Variants in FBXL8 observed in about 807,000 individuals in gnomAD.
FBXL8 encodes the protein F-box/LRR-repeat protein 8.
FBXL8 carries 13 observed loss-of-function variants against 8.2 expected under a neutral mutation model. The ratio of observed to expected loss-of-function variants is 1.58; its 90% CI spans 1.03 to 2.51. The LOEUF (loss-of-function observed/expected upper bound fraction) is 2.51, where lower values mean the gene tolerates loss of function less well. Among genes scored for constraint, FBXL8 ranks in the 30% most tolerant of loss-of-function variants. The pLI is 0.00. For synonymous variants in FBXL8, 271 were observed against 260.5 expected, an observed-to-expected ratio of 1.04 and a Z score of -0.39; for missense variants, 565 against 540.4, an observed-to-expected ratio of 1.05 and a Z score of -0.45.
At position 67,163,219 on chromosome 16, in the gene FBXL8, T is replaced by C. The variant is rs1157320577; in HGVS notation, c.524T>C (p.Val175Ala). ...HSLFLDNSTL[V>A]GSVGPGSVLE... ...CTTTTTCTGGACAACAGTACCCTAGTGGGCAGCGTGGGTCCCGGCTCAGTG... is the reference window on the plus strand; with the variant it reads ...CTTTTTCTGGACAACAGTACCCTAGCGGGCAGCGTGGGTCCCGGCTCAGTG... The change falls in exon 3 of 3, where the codon GTG becomes GCG. Residue 175 changes from valine (V) to alanine (A), a missense_variant. Val to Ala is a moderately conservative substitution (Grantham distance 64, BLOSUM62 0). Transcript: ENST00000258200. 5.1e-6 allele frequency: 8 copies of C among 1,566,138 alleles called. No individual in the cohort carries two copies. The highest frequency in any genetic ancestry group is 1.2e-5 in the South Asian group (1 of 85,830).
rs1160959091 is a variant in FBXL8, at chr16:67,163,155, G to GT, written c.461dup (p.Leu155AlafsTer111). On this transcript the variant is annotated frameshift_variant, in exon 3 of 3. Coordinates refer to ENST00000258200, the MANE Select transcript of FBXL8 (RefSeq NM_018378.3). LOFTEE classifies it low-confidence loss of function (END_TRUNC). ...GTCCTTCACACTGGACGACGCGCTG[G>GT]TGCTGCAGGCGGCGCGCAGCTGTCC... The GT allele has an allele frequency of 6.4e-7, 1 of 1,567,182 alleles. No individual in the cohort carries two copies. Among genetic ancestry groups the GT allele is most frequent in the Admixed American group, 1.8e-5 (1 of 54,292 alleles).
Position 67,163,918 on chromosome 16 carries a change from G to C in FBXL8, c.*98G>C. ...GCCCCGAGTGCTAGTGCCTTCTTTT[G>C]GGATTGTTGCCCCCCGGGTCTTTAC... On this transcript the variant is annotated 3_prime_UTR_variant, in exon 3 of 3. Transcript: ENST00000258200. The C allele has an allele frequency of 6.7e-7, 1 of 1,502,032 alleles. No homozygotes were observed. Among genetic ancestry groups the C allele is most frequent in the Non-Finnish European group, 8.9e-7 (1 of 1,121,044 alleles). 93.0% of individuals were successfully genotyped at this position (1,502,032 alleles called of 1,614,324 possible).
Position 67,163,689 on chromosome 16 carries a change from G to A in FBXL8, c.994G>A (p.Glu332Lys), listed in dbSNP as rs2031030748. 3.8e-6 allele frequency: 6 copies of A among 1,588,692 alleles called. No individual in the cohort carries two copies. The highest frequency in any genetic ancestry group is 2.7e-5 in the African/African-American group (2 of 74,086). The stretch of plus-strand genomic sequence containing the variant: ...GGCGGCGCGCTGCGCGGCCCTGCGC[G>A]AGGTGCATTGTTTCTGCGTGGTGAG... Reference protein sequence around the residue: ...ELAARCAALREVHCFCVVSHS... With the variant: ...ELAARCAALRKVHCFCVVSHS... The change falls in exon 3 of 3, where the codon GAG becomes AAG. Residue 332 changes from glutamate (E) to lysine (K), a missense_variant. By Grantham distance (56) the Glu-to-Lys change is moderately conservative. Transcript: ENST00000258200.
chr16:67,163,873 CG>C lies in FBXL8; in HGVS notation c.*61del. 1.6e-6 allele frequency: 2 copies of C among 1,257,516 alleles called. No individual in the cohort carries two copies. Among genetic ancestry groups the C allele is most frequent in the South Asian group, 1.6e-5 (1 of 62,800 alleles). 77.9% of individuals were successfully genotyped at this position (1,257,516 alleles called of 1,614,324 possible). ...TGGACGTAAGCGCTCTGAGAGGGAA[CG>C]GGGGGGGTGTCCAGGCGCGCCCCGA... On this transcript the variant is annotated 3_prime_UTR_variant, in exon 3 of 3. Transcript: ENST00000258200.
intron 2 of FBXL8, 160 bp from the exon 3 acceptor site, chr16:67,162,688 G>A (rs774120650): frequency 1.0e-6 from 1 of 965,750 alleles, no homozygotes; most frequent in South Asian, 1.4e-5. Flanking sequence ...TAGGATGCGA[G>A]TTCCCTCCTT....
rs775432539 is a variant in FBXL8 at position 67,163,360 on chromosome 16, T to C, written c.665T>C (p.Leu222Ser). The change falls in exon 3 of 3, where the codon TTG becomes TCG. Residue 222 changes from leucine (L) to serine (S), a missense_variant. Physicochemically the swap from Leu to Ser is moderately radical, Grantham distance 145 (BLOSUM62 -2). Coordinates refer to ENST00000258200, the MANE Select transcript of FBXL8 (RefSeq NM_018378.3). The part of the protein sequence containing the change: ...AAPDRAPFAL[L>S]ALRCACPEDA... ...CCAGACCGAGCGCCTTTCGCGCTCT[T>C]GGCTCTGCGGTGCGCGTGCCCCGAA... 1.3e-4 allele frequency: 195 copies of C among 1,549,796 alleles called. No individual in the cohort carries two copies. The highest frequency in any genetic ancestry group is 1.6e-4 in the Non-Finnish European group (186 of 1,152,636).
In FBXL8 at chr16:67,163,853, G is replaced by T. The variant is rs755783940; in HGVS notation, c.*33G>T. 1 of 1,512,470 alleles carries T rather than the reference G, an allele frequency of 6.6e-7. No individual in the cohort carries two copies. The allele number at this position is 1,512,470 out of a possible 1,614,324, so 93.7% of individuals were successfully genotyped here. ...ACTTCTCTCCCCCGTCCCCGTGGAC[G>T]TAAGCGCTCTGAGAGGGAACGGGGG... On this transcript the variant is annotated 3_prime_UTR_variant, in exon 3 of 3. Coordinates refer to ENST00000258200, the MANE Select transcript of FBXL8 (RefSeq NM_018378.3).
At position 67,161,831 on chromosome 16, in the gene FBXL8, A is replaced by C; in HGVS notation, c.46A>C (p.Ile16Leu). The change falls in exon 2 of 3, where the codon ATC becomes CTC. Residue 16 changes from isoleucine to leucine, a missense_variant. Ile to Leu is a conservative substitution (Grantham distance 5). Transcript: ENST00000258200. ...ACTGCCAGAGGAGGTGCTGGCACTC[A>C]TCTTCCGCCACCTGTCCCTGAGAGA... Reference protein sequence around the residue: ...EGLPEEVLALIFRHLSLRDRA... With the variant: ...EGLPEEVLALLFRHLSLRDRA... The C allele has an allele frequency of 1.2e-6, 2 of 1,610,586 alleles. No homozygotes were observed. The highest frequency in any genetic ancestry group is 1.7e-6 in the Non-Finnish European group (2 of 1,178,724).
Position 67,163,115 on chromosome 16 carries a change from C to T in FBXL8, c.420C>T (p.Leu140=), listed in dbSNP as rs1219185006. The T allele has an allele frequency of 2.5e-6, 4 of 1,577,784 alleles. No homozygotes were observed. Among genetic ancestry groups the T allele is most frequent in the Middle Eastern group, 1.7e-4 (1 of 6,038 alleles). The change falls in exon 3 of 3, where the codon CTC becomes CTT. Residue 140 remains leucine (L), a synonymous_variant. Coordinates refer to ENST00000258200, the MANE Select transcript of FBXL8 (RefSeq NM_018378.3). ...VCGAASQLRH[L]DLRRLSFTLD... ...GGGCGGCCAGCCAGCTACGCCACCT[C>T]GACCTGCGGCGCTTGTCCTTCACAC...
rs756655584 is a variant in FBXL8, at chr16:67,163,846, C to G, written c.*26C>G. On this transcript the variant is annotated 3_prime_UTR_variant, in exon 3 of 3. Coordinates refer to ENST00000258200, the MANE Select transcript of FBXL8 (RefSeq NM_018378.3). The stretch of plus-strand genomic sequence containing the variant: ...TTGGGCGACTTCTCTCCCCCGTCCC[C>G]GTGGACGTAAGCGCTCTGAGAGGGA... 1.5e-4 allele frequency: 236 copies of G among 1,524,298 alleles called. 1 individual carries two copies. Among genetic ancestry groups the G allele is most frequent in the Non-Finnish European group, 2.0e-4 (227 of 1,145,358 alleles). 94.4% of individuals were successfully genotyped at this position (1,524,298 alleles called of 1,614,324 possible). A position where few individuals can be genotyped will look rare whatever the true frequency, so the allele number is the denominator to read the frequency against.
At chr16:67,161,358 G>T (rs2030890299) in intron 1 of FBXL8, 1 of 163,032 alleles carries the variant, frequency 6.1e-6, no homozygotes, top group Non-Finnish European at 1.3e-5. Context: ...TGGGAGGATT[G>T]CTTGAGCCCG....
rs1487861225 is a variant in FBXL8, at chr16:67,161,859, G to A, written c.74G>A (p.Arg25His). The A allele has an allele frequency of 1.9e-6, 3 of 1,610,660 alleles. No homozygotes were observed. Among genetic ancestry groups the A allele is most frequent in the Non-Finnish European group, 2.5e-6 (3 of 1,178,816 alleles). The change falls in exon 2 of 3, where the codon CGT (arginine) becomes CAT (histidine). Residue 25 changes from arginine (R) to histidine (H), a missense_variant. Coordinates refer to ENST00000258200, the MANE Select transcript of FBXL8 (RefSeq NM_018378.3). ...LIFRHLSLRD[R>H]AAAARVCRAW... Reference sequence around the variant, plus strand: ...TTCCGCCACCTGTCCCTGAGAGACCGTGCTGCCGCCGCCAGGGTCTGCAGG... The same window carrying A: ...TTCCGCCACCTGTCCCTGAGAGACCATGCTGCCGCCGCCAGGGTCTGCAGG...
At position 67,164,154 on chromosome 16, in the gene FBXL8, A is replaced by T. The variant is rs1470689448; in HGVS notation, c.*334A>T. The T allele has an allele frequency of 1.8e-5, 11 of 607,768 alleles. 1 individual carries two copies. In the Middle Eastern group the frequency reaches 1.3e-3, roughly 71 times the overall value. 37.6% of individuals were successfully genotyped at this position (607,768 alleles called of 1,614,324 possible). On this transcript the variant is annotated 3_prime_UTR_variant, in exon 3 of 3. Transcript: ENST00000258200. ...GGGCCGGGCCTCAAGGGTGAGTGTGAAATAAACAAATCCTGCAGTGTTTCT... is the reference window on the plus strand; with the variant it reads ...GGGCCGGGCCTCAAGGGTGAGTGTGTAATAAACAAATCCTGCAGTGTTTCT...
chr16:67,162,715 G>C (rs1281281873), intron 2 of FBXL8, 133 bp from the exon 3 acceptor site: 1 of 1,256,174 alleles, frequency 8.0e-7, no homozygotes. Context: ...AACAGTCGTG[G>C]TCTGAACAGA....
intron 1 of FBXL8, 35 bp from the exon 2 acceptor site, chr16:67,161,700 C>T: frequency 7.0e-7 from 1 of 1,436,924 alleles, no homozygotes; most frequent in Non-Finnish European, 9.2e-7. Flanking sequence ...ACACTTTGCG[C>T]CTTCCCGACC....
intron 1 of FBXL8, chr16:67,161,155 C>T (rs573470051): frequency 1.9e-4 from 32 of 172,322 alleles, no homozygotes; most frequent in Non-Finnish European, 3.7e-4. Context: ...GATGGGGTTT[C>T]TCAGGCCGGG....
In FBXL8 at chr16:67,163,009, G is replaced by T. The variant is rs1334460144; in HGVS notation, c.314G>T (p.Gly105Val). The T allele has an allele frequency of 1.3e-6, 2 of 1,555,282 alleles. No individual in the cohort carries two copies. The highest frequency in any genetic ancestry group is 1.7e-6 in the Non-Finnish European group (2 of 1,149,600). The change falls in exon 3 of 3, where the codon GGC becomes GTC. Residue 105 changes from glycine to valine, a missense_variant. Transcript: ENST00000258200. ...VLAGRAPGLR[G>V]LRLECRGEKP... ...GCGGGCCGTGCCCCGGGGCTGCGAG[G>T]CCTGCGCCTGGAGTGCCGCGGAGAA...
rs1181139118 is a variant in FBXL8, at chr16:67,163,901, T to G, written c.*81T>G. 4 of 1,521,504 alleles carry G rather than the reference T, an allele frequency of 2.6e-6. No individual in the cohort carries two copies. Among genetic ancestry groups the G allele is most frequent in the Non-Finnish European group, 2.6e-6 (3 of 1,137,964 alleles). 94.3% of individuals were successfully genotyped at this position (1,521,504 alleles called of 1,614,324 possible). A position where few individuals can be genotyped will look rare whatever the true frequency, so the allele number is the denominator to read the frequency against. ...GGGGGGTGTCCAGGCGCGCCCCGAGTGCTAGTGCCTTCTTTTGGGATTGTT... is the reference window on the plus strand; with the variant it reads ...GGGGGGTGTCCAGGCGCGCCCCGAGGGCTAGTGCCTTCTTTTGGGATTGTT... On this transcript the variant is annotated 3_prime_UTR_variant, in exon 3 of 3. Coordinates refer to ENST00000258200, the MANE Select transcript of FBXL8 (RefSeq NM_018378.3).
In FBXL8 at chr16:67,161,654, A is replaced by G. The variant is rs980543026; in HGVS notation, c.-51-81A>G. 4 of 1,175,302 alleles carry G rather than the reference A, an allele frequency of 3.4e-6. No homozygotes were observed. The African/African-American group carries it at 6.3e-5, about 19-fold the overall frequency. 72.8% of individuals were successfully genotyped at this position (1,175,302 alleles called of 1,614,324 possible). A position where few individuals can be genotyped will look rare whatever the true frequency, so the allele number is the denominator to read the frequency against. On this transcript the variant is annotated intron_variant, in intron 1 of 2. Coordinates refer to ENST00000258200, the MANE Select transcript of FBXL8 (RefSeq NM_018378.3). The stretch of plus-strand genomic sequence containing the variant: ...TGAGAGGCCCTCAGTTCCTCAGGCC[A>G]CAAGCATTTGTACACCTAAGCTCGG...
Sources: gnomAD v4.1 joint callset for allele counts on GRCh38, gnomAD v4.1.1 for gene constraint, MANE v1.5 for transcripts, NCBI Gene and HGNC (gene_info 2026-07-23, HGNC 2026-07-21) for gene names.